LMAN2L: variants seen among roughly 807,000 people sequenced by gnomAD.
LMAN2L encodes the protein lectin, mannose binding 2 like, also known as VIP36-like protein.
A neutral mutation model predicts 44.3 loss-of-function variants in LMAN2L; 30 were observed. The observed-to-expected ratio is 0.68, with a 90% CI of 0.51 to 0.92. The LOEUF is 0.92. Ranked by LOEUF, LMAN2L falls within the 40% of genes least tolerant of loss-of-function variation. The pLI, the probability that LMAN2L is intolerant of heterozygous loss-of-function variation, is 0.00. For missense variants in LMAN2L, 429 were observed against 446.1 expected, an observed-to-expected ratio of 0.96 and a Z score of 0.35; for synonymous variants, 183 against 171.1, an observed-to-expected ratio of 1.07 and a Z score of -0.54.
At chr2:96,732,143 A>G (rs2078411873) in intron 4 of LMAN2L, among the ~76,000 whole-genome samples, 1 of 150,024 alleles carries the variant, frequency 6.7e-6, no homozygotes, top group African/African-American at 2.4e-5. Context: ...GTGAGCCACC[A>G]TGCCTGGCCT....
chr2:96,713,233 C>G (rs886323522), intron 4 of LMAN2L: 6 of 1,095,696 alleles, frequency 5.5e-6, no homozygotes, highest in African/African-American at 4.8e-5. Context: ...GAGCTATGAC[C>G]CAGCTGTGAT....
chr2:96,708,570 T>C (rs2077837310), intron 6 of LMAN2L, among the ~76,000 whole-genome samples: 1 of 152,198 alleles, frequency 6.6e-6, no homozygotes. Context: ...ATCCCATATG[T>C]TAAACCTTCC....
intron 4 of LMAN2L, among the ~76,000 whole-genome samples, chr2:96,728,505 CA>C (rs61588722): frequency 0.031 from 2,743 of 87,774 alleles, 82 homozygotes; most frequent in African/African-American, 0.11. Context: ...GACTCCGTCT[CA>C]AAAAAAAAAA....
intron 4 of LMAN2L, among the ~76,000 whole-genome samples, chr2:96,728,057 G>A (rs546273330): frequency 1.3e-5 from 2 of 152,272 alleles, no homozygotes; most frequent in South Asian, 2.1e-4. Context: ...AATGCCTGGC[G>A]CCTTTATGTA....
Position 96,707,143 on chromosome 2 carries a change from C to A in LMAN2L, c.*113G>T. On this transcript the variant is annotated 3_prime_UTR_variant, in exon 8 of 8. Coordinates refer to ENST00000264963, the MANE Select transcript of LMAN2L (RefSeq NM_030805.4). ...CAAAACTCCAGTGACAGAATATAGTCCCCAACCAGCTGCTAGAGACAAGAA... is the reference window on the plus strand; with the variant it reads ...CAAAACTCCAGTGACAGAATATAGTACCCAACCAGCTGCTAGAGACAAGAA... The A allele has an allele frequency of 9.7e-7, 1 of 1,029,434 alleles. No individual in the cohort carries two copies. Among genetic ancestry groups the A allele is most frequent in the African/African-American group, 1.6e-5 (1 of 62,292 alleles). The allele number at this position is 1,029,434 out of a possible 1,614,324, so 63.8% of individuals were successfully genotyped here.
intron 4 of LMAN2L, among the ~76,000 whole-genome samples, chr2:96,719,596 A>T (rs985427152): frequency 2.0e-5 from 3 of 152,084 alleles, no homozygotes; most frequent in South Asian, 2.1e-4. Context: ...AAAAAAAAAA[A>T]ATTTTTTTTC....
intron 4 of LMAN2L, among the ~76,000 whole-genome samples, chr2:96,721,326 C>CTTT (rs56023035): frequency 1.3e-3 from 114 of 84,566 alleles, no homozygotes; most frequent in Non-Finnish European, 1.6e-3. Flanking sequence ...TTCTTTCAGT[C>CTTT]TTTTTTTTTT....
chr2:96,736,595 T>C (rs2078520969), intron 2 of LMAN2L, among the ~76,000 whole-genome samples: 2 of 152,168 alleles, frequency 1.3e-5, no homozygotes, highest in African/African-American at 2.4e-5. Context: ...AGAAGTGTAA[T>C]AACATAACAC....
At chr2:96,731,627 A>C (rs2078399661) in intron 4 of LMAN2L, among the ~76,000 whole-genome samples, 1 of 151,914 alleles carries the variant, frequency 6.6e-6, no homozygotes, top group Non-Finnish European at 1.5e-5. Flanking sequence ...TCCAGCCTGG[A>C]GACGAGCGAG....
At chr2:96,730,375 C>T (rs2078367022) in intron 4 of LMAN2L, among the ~76,000 whole-genome samples, 1 of 152,064 alleles carries the variant, frequency 6.6e-6, no homozygotes, top group African/African-American at 2.4e-5. Flanking sequence ...GTCCAGACTC[C>T]TCAACAGGAA....
Position 96,707,159 on chromosome 2 carries a change from G to C in LMAN2L, c.*97C>G. 6.7e-6 allele frequency: 8 copies of C among 1,199,328 alleles called. No individual in the cohort carries two copies. Among genetic ancestry groups the C allele is most frequent in the Non-Finnish European group, 9.4e-6 (8 of 848,848 alleles). The allele number at this position is 1,199,328 out of a possible 1,614,324, so 74.3% of individuals were successfully genotyped here. On this transcript the variant is annotated 3_prime_UTR_variant, in exon 8 of 8. Coordinates refer to ENST00000264963, the MANE Select transcript of LMAN2L (RefSeq NM_030805.4). ...GAATATAGTCCCCAACCAGCTGCTA[G>C]AGACAAGAACACTCTCCAGGCTGCA...
intron 4 of LMAN2L, among the ~76,000 whole-genome samples, chr2:96,732,609 A>G (rs1419496357): frequency 3.3e-5 from 5 of 149,876 alleles, no homozygotes; most frequent in Admixed American, 6.7e-5. Context: ...GCGCCACTGC[A>G]CTCCAGCCTG....
intron 3 of LMAN2L, 121 bp downstream of exon 3, chr2:96,734,288 C>T (rs2078466973): frequency 2.8e-6 from 2 of 725,162 alleles, no homozygotes; most frequent in Admixed American, 3.8e-5. Flanking sequence ...CAGTGTTCAT[C>T]CACATACATT....
At chr2:96,716,413 T>C (rs1205798627) in intron 4 of LMAN2L, among the ~76,000 whole-genome samples, 1 of 152,216 alleles carries the variant, frequency 6.6e-6, no homozygotes, top group African/African-American at 2.4e-5. Context: ...CACTGGCATC[T>C]AGGAGCCACT....
At chr2:96,729,553 G>C (rs760851499) in intron 4 of LMAN2L, among the ~76,000 whole-genome samples, 2 of 151,228 alleles carry the variant, frequency 1.3e-5, no homozygotes, top group Non-Finnish European at 2.9e-5. Flanking sequence ...TTGTCGCCCA[G>C]GCTGGAGTGC....
intron 4 of LMAN2L, among the ~76,000 whole-genome samples, chr2:96,727,407 A>C (rs1021126168): frequency 1.3e-5 from 2 of 152,140 alleles, no homozygotes; most frequent in African/African-American, 4.8e-5. Flanking sequence ...CAAAGCAGGC[A>C]AAGCACTTGA....
intron 6 of LMAN2L, among the ~76,000 whole-genome samples, chr2:96,710,544 G>A (rs1199713186): frequency 2.0e-5 from 3 of 152,064 alleles, no homozygotes; most frequent in Admixed American, 2.0e-4. Flanking sequence ...CGCGCCTGTA[G>A]TCCCAGCTAC....
chr2:96,723,705 T>C (rs931062607), intron 4 of LMAN2L, among the ~76,000 whole-genome samples: 5 of 152,170 alleles, frequency 3.3e-5, no homozygotes, highest in Non-Finnish European at 7.3e-5. Context: ...TTCTGTGTGG[T>C]GTGAAATAGG....
At chr2:96,737,914 T>C in intron 2 of LMAN2L, 35 bp downstream of exon 2, 1 of 1,417,584 alleles carries the variant, frequency 7.1e-7, no homozygotes, top group Non-Finnish European at 1.0e-6. Context: ...TAGGCCTTTC[T>C]GGGTCACCAA....
Sources: allele counts gnomAD v4.1 joint callset (sites outside exome capture counted in the v4.1 genomes callset), GRCh38; gene constraint gnomAD v4.1.1; transcripts MANE v1.5; gene names NCBI Gene and HGNC (gene_info 2026-07-23, HGNC 2026-07-21).